The following NRG3 variants were observed in gnomAD, a reference collection of about 807,000 sequenced individuals.
The protein encoded by NRG3 is neuregulin 3, also known as pro-neuregulin-3, membrane-bound isoform.
NRG3 carries 31 observed loss-of-function variants against 66.9 expected under a neutral mutation model. That is an observed-to-expected ratio of 0.46 (90% CI 0.35 to 0.63). The LOEUF is 0.63. Ranked by LOEUF, NRG3 falls within the 20% of genes least tolerant of loss-of-function variation. The pLI, the probability that NRG3 is intolerant of heterozygous loss-of-function variation, is 0.00. For missense variants in NRG3, 910 were observed against 878.9 expected (o/e 1.04, Z -0.45); for synonymous variants, 393 against 359.4 (o/e 1.09, Z -1.06).
chr10:82,247,550 A>C (rs1193282358), intron 1 of NRG3, among the ~76,000 whole-genome samples: 1 of 152,178 alleles, frequency 6.6e-6, no homozygotes, highest in African/African-American at 2.4e-5. Context: ...TTGGAGAGAC[A>C]CAAACCTTCA....
intron 2 of NRG3, among the ~76,000 whole-genome samples, chr10:82,587,515 C>T (rs2133273716): frequency 6.6e-6 from 1 of 152,318 alleles, no homozygotes; most frequent in Non-Finnish European, 1.5e-5. Context: ...ATTAGACTAT[C>T]TGTAGTCTCT....
rs980642011 is a variant in NRG3, at chr10:82,102,598, G to A, written c.823+226435G>A. Among the ~76,000 whole-genome samples, 3 of 150,962 alleles carry A rather than the reference G, an allele frequency of 2.0e-5. No homozygotes were observed. The East Asian group carries it at 5.9e-4, about 29-fold the overall frequency. On this transcript the variant is annotated intron_variant, in intron 1 of 8. Transcript: ENST00000372141. ...TTTTATCATGATATTTTAATTATTG[G>A]CCTTTTGGGATATATATTTTATATT...
chr10:82,895,737 G>A (rs986523875), intron 4 of NRG3, among the ~76,000 whole-genome samples: 13 of 152,004 alleles, frequency 8.6e-5, no homozygotes, highest in East Asian at 5.8e-4. Flanking sequence ...TGATCCGCCC[G>A]CCTTGGCCTC....
chr10:82,088,519 T>C (rs1404875250), intron 1 of NRG3, among the ~76,000 whole-genome samples: 1 of 152,208 alleles, frequency 6.6e-6, no homozygotes, highest in Non-Finnish European at 1.5e-5. Context: ...AAGCCTTTCA[T>C]GCATAACTTG....
chr10:81,979,701 C>T (rs536546839), intron 1 of NRG3, among the ~76,000 whole-genome samples: 2 of 152,300 alleles, frequency 1.3e-5, no homozygotes, highest in East Asian at 3.9e-4. Flanking sequence ...CATACGGACT[C>T]ACATGCATGC....
chr10:82,457,397 C>T lies in NRG3; in HGVS notation c.953+98529C>T, dbSNP rs538586985. Among the ~76,000 whole-genome samples the T allele has an allele frequency of 2.2e-4, 33 of 152,244 alleles. No individual in the cohort carries two copies. The South Asian group carries it at 3.1e-3, about 14-fold the overall frequency. Reference sequence around the variant, plus strand: ...CATGTGCAGTTCACAATAGGGTTCGCGCTCCTTTGAGAATCTGATGCTGTT... The same window carrying T: ...CATGTGCAGTTCACAATAGGGTTCGTGCTCCTTTGAGAATCTGATGCTGTT... On this transcript the variant is annotated intron_variant, in intron 2 of 8. Coordinates refer to ENST00000372141, the MANE Select transcript of NRG3 (RefSeq NM_001010848.4).
chr10:81,973,642 G>A (rs1280786989), intron 1 of NRG3, among the ~76,000 whole-genome samples: 1 of 151,986 alleles, frequency 6.6e-6, no homozygotes, highest in Non-Finnish European at 1.5e-5. Context: ...GTTTTGATTT[G>A]CATTTCTCTC....
At position 82,564,017 on chromosome 10, in the gene NRG3, T is replaced by C. The variant is rs572326626; in HGVS notation, c.954-174560T>C. Among the ~76,000 whole-genome samples, 5 of 152,202 alleles carry C rather than the reference T, an allele frequency of 3.3e-5. No homozygotes were observed. In the South Asian group the frequency reaches 1.0e-3, roughly 32 times the overall value. On this transcript the variant is annotated intron_variant, in intron 2 of 8. Coordinates refer to ENST00000372141, the MANE Select transcript of NRG3 (RefSeq NM_001010848.4). ...TTAAACAAATTAAAATTAAAAGTAC[T>C]TCTATTTGTGATGAGCTCTTAATAC...
intron 1 of NRG3, among the ~76,000 whole-genome samples, chr10:81,921,476 T>C (rs1846248339): frequency 6.6e-6 from 1 of 152,098 alleles, no homozygotes; most frequent in Non-Finnish European, 1.5e-5. Flanking sequence ...AACCTCTTAG[T>C]CTTTTCTTTT....
intron 2 of NRG3, among the ~76,000 whole-genome samples, chr10:82,687,583 T>A (rs1265030800): frequency 1.3e-5 from 2 of 152,056 alleles, no homozygotes; most frequent in African/African-American, 4.8e-5. Context: ...GTGGCCATGG[T>A]TTGGGAAGAT....
chr10:82,792,853 T>C (rs2060643910), intron 3 of NRG3, among the ~76,000 whole-genome samples: 1 of 152,008 alleles, frequency 6.6e-6, no homozygotes, highest in East Asian at 1.9e-4. Flanking sequence ...GCTAATTTTT[T>C]GTATTTTTAG....
intron 3 of NRG3, among the ~76,000 whole-genome samples, chr10:82,803,344 G>A (rs544419677): frequency 3.0e-4 from 46 of 152,262 alleles, no homozygotes; most frequent in Middle Eastern, 3.4e-3. Flanking sequence ...ATGTTTCTGC[G>A]CTTATTTGTG....
chr10:82,745,638 AG>A (rs1385158137), intron 3 of NRG3, among the ~76,000 whole-genome samples: 1 of 152,158 alleles, frequency 6.6e-6, no homozygotes, highest in Non-Finnish European at 1.5e-5. Context: ...TAATTCTGTC[AG>A]GTTGTATATT....
chr10:82,638,397 A>G (rs991008693), intron 2 of NRG3, among the ~76,000 whole-genome samples: 2 of 152,176 alleles, frequency 1.3e-5, no homozygotes, highest in Non-Finnish European at 2.9e-5. Context: ...GAAAAGTAAA[A>G]CATACTGCAC....
rs17100300 is a variant in NRG3, at chr10:82,590,898, G to A, written c.954-147679G>A. On this transcript the variant is annotated intron_variant, in intron 2 of 8. Coordinates refer to ENST00000372141, the MANE Select transcript of NRG3 (RefSeq NM_001010848.4). ...TAGGGGCCACACTATGGCCAAGAACGCTGTCAGGCTTTAGTTCATTAAATT... is the reference window on the plus strand; with the variant it reads ...TAGGGGCCACACTATGGCCAAGAACACTGTCAGGCTTTAGTTCATTAAATT... 4.0e-3 allele frequency among the ~76,000 whole-genome samples: 603 copies of A among 152,318 alleles called. 4 individuals are homozygous for A. The highest frequency in any genetic ancestry group is 0.013 in the African/African-American group (523 of 41,572).
chr10:82,748,247 T>C (rs970586284), intron 3 of NRG3, among the ~76,000 whole-genome samples: 3 of 151,720 alleles, frequency 2.0e-5, no homozygotes, highest in Non-Finnish European at 2.9e-5. Flanking sequence ...TGATTACATA[T>C]GCATTTTAGA....
chr10:82,050,855 C>T (rs539288962), intron 1 of NRG3, among the ~76,000 whole-genome samples: 16 of 98,174 alleles, frequency 1.6e-4, no homozygotes, highest in Admixed American at 1.5e-3. Flanking sequence ...CTCTACCCAC[C>T]GTTCATCTTT....
rs559127029 is a variant in NRG3 at position 81,894,934 on chromosome 10, T to C, written c.823+18771T>C. ...GTGCATGCCAGGGGCTGTGGAGAGG[T>C]GGGTGAACATCAAATCACCAGTGAC... On this transcript the variant is annotated intron_variant, in intron 1 of 8. Coordinates refer to ENST00000372141, the MANE Select transcript of NRG3 (RefSeq NM_001010848.4). Among the ~76,000 whole-genome samples the C allele has an allele frequency of 3.3e-5, 5 of 152,194 alleles. No homozygotes were observed. The East Asian group carries it at 7.7e-4, about 24-fold the overall frequency.
At chr10:82,833,476 G>T (rs79090189) in intron 3 of NRG3, among the ~76,000 whole-genome samples, 1 of 152,150 alleles carries the variant, frequency 6.6e-6, no homozygotes, top group Non-Finnish European at 1.5e-5. Flanking sequence ...TATTCCATCT[G>T]CCCACCTGTT....
Sources: gnomAD v4.1 joint callset for allele counts (sites outside exome capture counted in the v4.1 genomes callset) on GRCh38, gnomAD v4.1.1 for gene constraint, MANE v1.5 for transcripts, NCBI Gene and HGNC (gene_info 2026-07-23, HGNC 2026-07-21) for gene names.